Variants in RANBP2 observed in about 807,000 individuals in gnomAD.
RANBP2 encodes E3 SUMO-protein ligase RanBP2.
RANBP2 carries 57 observed loss-of-function variants against 303.6 expected under a neutral mutation model. The observed-to-expected ratio is 0.19, with a 90% CI of 0.15 to 0.23. The LOEUF (loss-of-function observed/expected upper bound fraction) is 0.23, where lower values mean the gene tolerates loss of function less well. Among genes scored for constraint, RANBP2 ranks in the 10% least tolerant of loss-of-function variants. RANBP2 has a pLI of 1.00. For synonymous variants in RANBP2, 1,167 were observed against 1,301.5 expected (o/e 0.90, Z 2.23); for missense variants, 3,138 against 3,780.8 (o/e 0.83, Z 4.46).
At chr2:109,558,632 C>A in the RANBP2 span, among the ~76,000 whole-genome samples, 1 of 152,012 alleles carries the variant, frequency 6.6e-6, no homozygotes, top group Non-Finnish European at 1.5e-5. Context: ...GACAAGCCTG[C>A]GATTGGTGCT....
chr2:109,301,920 G>A, the RANBP2 span, among the ~76,000 whole-genome samples: 2 of 152,180 alleles, frequency 1.3e-5, no homozygotes, highest in Non-Finnish European at 2.9e-5. Flanking sequence ...GTGCGGGACC[G>A]GGGTCCATTT....
the RANBP2 span, among the ~76,000 whole-genome samples, chr2:109,735,873 T>A: frequency 6.6e-6 from 1 of 152,164 alleles, no homozygotes; most frequent in Non-Finnish European, 1.5e-5. Context: ...CAATTCCGCT[T>A]CAGAGAAATT....
the RANBP2 span, among the ~76,000 whole-genome samples, chr2:109,274,692 G>A: frequency 2.6e-5 from 4 of 152,208 alleles, no homozygotes; most frequent in African/African-American, 4.8e-5. Flanking sequence ...TGATACAAAT[G>A]TTCTGATAGA....
chr2:109,454,194 C>G, the RANBP2 span, among the ~76,000 whole-genome samples: 2 of 152,168 alleles, frequency 1.3e-5, no homozygotes, highest in Non-Finnish European at 2.9e-5. Context: ...GGAGGAAATA[C>G]TTACAACAAT....
the RANBP2 span, among the ~76,000 whole-genome samples, chr2:108,837,377 T>C: frequency 6.6e-6 from 1 of 152,230 alleles, no homozygotes; most frequent in Non-Finnish European, 1.5e-5. Flanking sequence ...ATTGCAAGAA[T>C]TAATCTCACT....
the RANBP2 span, among the ~76,000 whole-genome samples, chr2:108,911,839 G>A: frequency 6.6e-6 from 1 of 152,326 alleles, no homozygotes; most frequent in South Asian, 2.1e-4. Flanking sequence ...AACCCCGCAT[G>A]TGGGCGCTGA....
rs1676098431 is a variant in RANBP2 at position 108,753,857 on chromosome 2, T to A, written c.2088T>A (p.Asn696Lys). ...ACAGGAAGGCAGAAGACATTGAAAA[T>A]GATGCCCTTTCTCCTGAAGAACAAG... The part of the protein sequence containing the change: ...IFHRKAEDIE[N>K]DALSPEEQEE... Residue 696 changes from asparagine to lysine, a missense_variant, in exon 15 of 29, where the codon AAT (asparagine) becomes AAA (lysine). Asn to Lys is a moderately conservative substitution (Grantham distance 94). Around this residue, in one of 20 missense-constraint regions of RANBP2, gnomAD observed 194 missense variants for 197.4 expected, o/e 0.98. Transcript: ENST00000283195. The A allele has an allele frequency of 1.2e-6, 2 of 1,611,982 alleles. No homozygotes were observed. The highest frequency in any genetic ancestry group is 1.7e-6 in the Non-Finnish European group (2 of 1,179,850).
At chr2:108,913,987 G>A in the RANBP2 span, among the ~76,000 whole-genome samples, 1 of 151,074 alleles carries the variant, frequency 6.6e-6, no homozygotes, top group Non-Finnish European at 1.5e-5. Context: ...GGGGCCGGGC[G>A]CGGTAGCTCA....
At chr2:109,280,207 G>A in the RANBP2 span, among the ~76,000 whole-genome samples, 1 of 152,170 alleles carries the variant, frequency 6.6e-6, no homozygotes. Flanking sequence ...GTGAATGCCC[G>A]TGGCACACAG....
chr2:108,770,505 C>T (rs1677422939), intron 20 of RANBP2, among the ~76,000 whole-genome samples: 1 of 152,184 alleles, frequency 6.6e-6, no homozygotes, highest in African/African-American at 2.4e-5. Flanking sequence ...CCTATAATCC[C>T]AGTTACTTGG....
the RANBP2 span, among the ~76,000 whole-genome samples, chr2:109,373,751 G>C: frequency 6.6e-6 from 1 of 152,174 alleles, no homozygotes; most frequent in Admixed American, 6.5e-5. Context: ...GTCCAGTTAA[G>C]CTTTACACAC....
At chr2:108,968,294 A>C in the RANBP2 span, among the ~76,000 whole-genome samples, 1 of 152,164 alleles carries the variant, frequency 6.6e-6, no homozygotes, top group South Asian at 2.1e-4. Context: ...ACATACTTCA[A>C]CATTTAAGAT....
the RANBP2 span, among the ~76,000 whole-genome samples, chr2:109,377,406 G>A: frequency 7.2e-5 from 11 of 152,116 alleles, no homozygotes; most frequent in South Asian, 2.1e-4. Context: ...AGGCCATAGC[G>A]TCAGTGGCTG....
chr2:108,777,345 C>A, intron 25 of RANBP2, 114 bp downstream of exon 25: 1 of 492,174 alleles, frequency 2.0e-6, no homozygotes, highest in South Asian at 3.3e-5. Flanking sequence ...CCTTACCCCC[C>A]AGTTTGTTTT....
the RANBP2 span, among the ~76,000 whole-genome samples, chr2:109,149,705 C>T: frequency 2.0e-4 from 30 of 152,160 alleles, no homozygotes; most frequent in Admixed American, 2.6e-4. Context: ...AGTCTGGCCT[C>T]GTGGTGCTTA....
At chr2:109,134,147 A>G in the RANBP2 span, among the ~76,000 whole-genome samples, 1 of 152,232 alleles carries the variant, frequency 6.6e-6, no homozygotes, top group South Asian at 2.1e-4. Flanking sequence ...AAAGTTCACA[A>G]TAATCCTGCC....
chr2:109,212,666 G>T, the RANBP2 span, among the ~76,000 whole-genome samples: 10 of 152,268 alleles, frequency 6.6e-5, no homozygotes, highest in South Asian at 1.9e-3. Context: ...CCCTTTTCTT[G>T]TGTTAAATGG....
At chr2:108,926,095 C>T in the RANBP2 span, among the ~76,000 whole-genome samples, 9 of 152,164 alleles carry the variant, frequency 5.9e-5, no homozygotes, top group South Asian at 2.1e-4. Context: ...AACTCCTCAC[C>T]GCCTGGCTTA....
At chr2:108,820,681 G>T in the RANBP2 span, among the ~76,000 whole-genome samples, 3,390 of 140,316 alleles carry the variant, frequency 0.024, 135 homozygotes, top group African/African-American at 0.087. Context: ...CAGGCAGTGG[G>T]ATGATACATT....
Sources: allele counts gnomAD v4.1 joint callset (sites outside exome capture counted in the v4.1 genomes callset), GRCh38; gene constraint gnomAD v4.1.1; regional missense constraint gnomAD v4.1.1; transcripts MANE v1.5; gene names NCBI Gene and HGNC (gene_info 2026-07-23, HGNC 2026-07-21).